CLYBL: variants seen among roughly 807,000 people sequenced by gnomAD.
The protein encoded by CLYBL is citramalyl-CoA lyase.
CLYBL carries 31 observed loss-of-function variants against 38.9 expected under a neutral mutation model. The ratio of observed to expected loss-of-function variants is 0.80; its 90% CI spans 0.60 to 1.08. The LOEUF is 1.08. Ranked by LOEUF, CLYBL falls within the 50% of genes least tolerant of loss-of-function variation. The pLI, the probability that CLYBL is intolerant of heterozygous loss-of-function variation, is 0.00. For missense variants in CLYBL, 434 were observed against 411.6 expected (o/e 1.05, Z -0.47); for synonymous variants, 171 against 158.6 (o/e 1.08, Z -0.59).
intron 1 of CLYBL, among the ~76,000 whole-genome samples, chr13:99,608,695 C>G (rs943277661): frequency 6.6e-6 from 1 of 152,050 alleles, no homozygotes; most frequent in Non-Finnish European, 1.5e-5. Flanking sequence ...GGTCTGTTCT[C>G]GACATGTCTA....
chr13:99,697,418 C>T (rs2047996255), intron 1 of CLYBL, among the ~76,000 whole-genome samples: 1 of 152,158 alleles, frequency 6.6e-6, no homozygotes, highest in African/African-American at 2.4e-5. Flanking sequence ...TGTCTGTCAC[C>T]CAGGCTGGAG....
At chr13:99,698,652 A>C (rs868673459) in intron 1 of CLYBL, among the ~76,000 whole-genome samples, 16 of 152,178 alleles carry the variant, frequency 1.1e-4, no homozygotes, top group African/African-American at 3.9e-4. Context: ...TTTAATCCTA[A>C]TCACAAAATT....
At chr13:99,762,655 C>A (rs2049188138) in intron 1 of CLYBL, among the ~76,000 whole-genome samples, 1 of 152,174 alleles carries the variant, frequency 6.6e-6, no homozygotes, top group South Asian at 2.1e-4. Context: ...TATTCAGAGT[C>A]TCTTGTGGTT....
At position 99,839,827 on chromosome 13, in the gene CLYBL, A is replaced by G. The variant is rs190231788; in HGVS notation, c.250-19034A>G. 4.8e-3 allele frequency among the ~76,000 whole-genome samples: 728 copies of G among 152,276 alleles called. 8 individuals carry two copies. The highest frequency in any genetic ancestry group is 0.017 in the African/African-American group (695 of 41,540). ...TCAAGCCTTTATCCTTTGTATTACA[A>G]ACAATCCAGTTATACCCTTCTAGTT... On this transcript the variant is annotated intron_variant, in intron 2 of 8. Transcript: ENST00000339105.
rs71118498 is a variant in CLYBL, at chr13:99,644,004, C to CA, written c.62+37269dup. On this transcript the variant is annotated intron_variant, in intron 1 of 8. Transcript: ENST00000339105. ...TGGGCGACAGAACAAGACTCTGTCTCAAAAAAAAAAAAAAAAAAAAAAGAA... is the reference window on the plus strand; with the variant it reads ...TGGGCGACAGAACAAGACTCTGTCTCAAAAAAAAAAAAAAAAAAAAAAAGAA... 4.2e-3 allele frequency among the ~76,000 whole-genome samples: 377 copies of CA among 88,982 alleles called. 7 individuals are homozygous for CA. The highest frequency in any genetic ancestry group is 0.013 in the African/African-American group (268 of 20,482). The allele number at this position is 88,982 out of a possible 152,430, so 58.4% of individuals were successfully genotyped here.
chr13:99,835,267 C>G (rs1191617529), intron 2 of CLYBL, among the ~76,000 whole-genome samples: 1 of 152,232 alleles, frequency 6.6e-6, no homozygotes, highest in African/African-American at 2.4e-5. Context: ...GTTTATTTCT[C>G]TCTCACCCAA....
At chr13:99,757,296 A>ATC (rs1289724076) in intron 1 of CLYBL, among the ~76,000 whole-genome samples, 1 of 152,132 alleles carries the variant, frequency 6.6e-6, no homozygotes, top group Middle Eastern at 3.2e-3. Flanking sequence ...CTTTCACAGC[A>ATC]TCTACTTGTA....
intron 2 of CLYBL, among the ~76,000 whole-genome samples, chr13:99,846,553 G>A (rs574444586): frequency 5.3e-5 from 8 of 152,238 alleles, no homozygotes; most frequent in African/African-American, 1.9e-4. Context: ...TGTCTGCCAG[G>A]AAGACTAATT....
At chr13:99,684,035 A>ATTTTTTTTTTTTTTT (rs778902077) in intron 1 of CLYBL, among the ~76,000 whole-genome samples, 14 of 86,376 alleles carry the variant, frequency 1.6e-4, no homozygotes, top group East Asian at 3.5e-4. Context: ...TGCCTGGCTA[A>ATTTTTTTTTTTTTTT]TTTTTTTTTT....
chr13:99,864,491 CA>C (rs943295304), intron 4 of CLYBL, among the ~76,000 whole-genome samples: 1 of 152,030 alleles, frequency 6.6e-6, no homozygotes, highest in African/African-American at 2.4e-5. Flanking sequence ...TCTCTTAAAG[CA>C]AAAACGAATT....
chr13:99,827,586 C>G (rs1045477295), intron 2 of CLYBL, among the ~76,000 whole-genome samples: 12 of 152,208 alleles, frequency 7.9e-5, no homozygotes, highest in African/African-American at 2.9e-4. Context: ...CTCAGAATGA[C>G]TGGAGGCACT....
chr13:99,768,494 CTTTTTTTT>C (rs779750350), intron 1 of CLYBL, among the ~76,000 whole-genome samples: 28 of 84,884 alleles, frequency 3.3e-4, no homozygotes, highest in Non-Finnish European at 5.2e-4. Context: ...CGCCCGACCT[CTTTTTTTT>C]TTTTTTTTTT....
chr13:99,826,364 G>T, intron 2 of CLYBL, among the ~76,000 whole-genome samples: 1 of 152,172 alleles, frequency 6.6e-6, no homozygotes, highest in East Asian at 1.9e-4. Flanking sequence ...CTGCCAGCTT[G>T]TCCTGCAGAT....
intron 1 of CLYBL, among the ~76,000 whole-genome samples, chr13:99,644,177 A>T (rs76566966): frequency 7.1e-6 from 1 of 141,650 alleles, no homozygotes; most frequent in African/African-American, 2.8e-5. Flanking sequence ...GTATGTATGT[A>T]CATGTGTATG....
At chr13:99,624,292 G>A (rs1424494096) in intron 1 of CLYBL, among the ~76,000 whole-genome samples, 1 of 152,178 alleles carries the variant, frequency 6.6e-6, no homozygotes, top group Non-Finnish European at 1.5e-5. Flanking sequence ...GACACAGTAG[G>A]CACTGATTAA....
chr13:99,874,052 C>G (rs903639148), intron 7 of CLYBL, among the ~76,000 whole-genome samples: 1 of 152,170 alleles, frequency 6.6e-6, no homozygotes, highest in African/African-American at 2.4e-5. Flanking sequence ...AAGATATTTT[C>G]AGGCTAAAAA....
chr13:99,845,567 A>T (rs2051181498), intron 2 of CLYBL, among the ~76,000 whole-genome samples: 1 of 152,238 alleles, frequency 6.6e-6, no homozygotes, highest in African/African-American at 2.4e-5. Flanking sequence ...CAGCCACGGC[A>T]TTGTTTTATT....
intron 1 of CLYBL, among the ~76,000 whole-genome samples, chr13:99,643,602 A>G (rs1363214955): frequency 1.3e-5 from 2 of 152,202 alleles, no homozygotes; most frequent in African/African-American, 2.4e-5. Context: ...ACCACTTACT[A>G]TTCTGTGCGC....
chr13:99,671,388 A>G (rs911561713), intron 1 of CLYBL, among the ~76,000 whole-genome samples: 1 of 152,162 alleles, frequency 6.6e-6, no homozygotes, highest in Non-Finnish European at 1.5e-5. Flanking sequence ...GGAGGGTATG[A>G]TTGCACTTTA....
Sources: allele counts gnomAD v4.1 joint callset (sites outside exome capture counted in the v4.1 genomes callset), GRCh38; gene constraint gnomAD v4.1.1; transcripts MANE v1.5; gene names NCBI Gene and HGNC (gene_info 2026-07-23, HGNC 2026-07-21).